Variants in FILIP1L observed in about 807,000 individuals in gnomAD.
The protein encoded by FILIP1L is filamin A-interacting protein 1-like.
Under a neutral mutation model 96.6 loss-of-function variants are expected in FILIP1L, and 55 were observed. The ratio of observed to expected loss-of-function variants is 0.57; its 90% CI spans 0.46 to 0.71. FILIP1L has a LOEUF of 0.71. Ranked by LOEUF, FILIP1L falls within the 30% of genes least tolerant of loss-of-function variation. FILIP1L has a pLI of 0.00. For synonymous variants in FILIP1L, 467 were observed against 473.9 expected (o/e 0.99, Z 0.19); for missense variants, 1,304 against 1,321.2 (o/e 0.99, Z 0.20).
At chr3:100,019,250 C>G (rs1710434814) in intron 1 of FILIP1L, among the ~76,000 whole-genome samples, 1 of 152,138 alleles carries the variant, frequency 6.6e-6, no homozygotes. Context: ...GTTTCAGCTA[C>G]TCGGGAGGCT....
At chr3:99,969,229 G>A (rs868059048) in intron 1 of FILIP1L, among the ~76,000 whole-genome samples, 4 of 152,072 alleles carry the variant, frequency 2.6e-5, no homozygotes, top group Admixed American at 2.0e-4. Context: ...GAACAATATT[G>A]GGATAATGTA....
chr3:99,882,575 C>G (rs1475010878), intron 4 of FILIP1L, among the ~76,000 whole-genome samples: 1 of 152,162 alleles, frequency 6.6e-6, no homozygotes, highest in East Asian at 1.9e-4. Flanking sequence ...CTTATTGCCA[C>G]TCTCTGTTCC....
intron 4 of FILIP1L, among the ~76,000 whole-genome samples, chr3:99,873,721 G>T (rs1176960428): frequency 3.3e-5 from 5 of 152,118 alleles, no homozygotes; most frequent in African/African-American, 9.7e-5. Flanking sequence ...AGCCTTTTGA[G>T]AAGGCAAATT....
chr3:99,889,117 TAAAG>T (rs1451147524), intron 4 of FILIP1L, among the ~76,000 whole-genome samples: 2 of 152,176 alleles, frequency 1.3e-5, no homozygotes, highest in Non-Finnish European at 2.9e-5. Flanking sequence ...TGTATATAAA[TAAAG>T]CTTGTTAATT....
chr3:100,014,391 A>AT (rs1339941279), intron 1 of FILIP1L, among the ~76,000 whole-genome samples: 3 of 151,868 alleles, frequency 2.0e-5, no homozygotes, highest in African/African-American at 7.3e-5. Flanking sequence ...TGGTAGTTCT[A>AT]TTTTTTATTT....
At chr3:100,008,792 C>T (rs933224015) in intron 1 of FILIP1L, among the ~76,000 whole-genome samples, 4 of 152,104 alleles carry the variant, frequency 2.6e-5, no homozygotes, top group East Asian at 1.9e-4. Flanking sequence ...TTGTATTTTG[C>T]GTGCAGAAAT....
At chr3:99,941,164 C>A (rs567457719) in intron 1 of FILIP1L, among the ~76,000 whole-genome samples, 1 of 152,122 alleles carries the variant, frequency 6.6e-6, no homozygotes, top group South Asian at 2.1e-4. Context: ...CCAAATAATA[C>A]GATTCATTCT....
chr3:100,104,545 C>T (rs189363955), intron 1 of FILIP1L, among the ~76,000 whole-genome samples: 1 of 152,086 alleles, frequency 6.6e-6, no homozygotes, highest in South Asian at 2.1e-4. Flanking sequence ...GCCTGTGTTC[C>T]CAAGACCCAG....
At chr3:100,030,883 C>T (rs1259743939) in intron 1 of FILIP1L, among the ~76,000 whole-genome samples, 1 of 152,080 alleles carries the variant, frequency 6.6e-6, no homozygotes, top group East Asian at 1.9e-4. Flanking sequence ...ATTTTCTTTA[C>T]TGTGCAACTA....
chr3:99,993,266 T>A (rs1034642838), intron 1 of FILIP1L, among the ~76,000 whole-genome samples: 7 of 152,134 alleles, frequency 4.6e-5, no homozygotes, highest in Admixed American at 4.6e-4. Flanking sequence ...ATATTGATTC[T>A]TCAATCTATG....
At chr3:99,988,963 AG>A (rs1391017041) in intron 1 of FILIP1L, among the ~76,000 whole-genome samples, 1 of 152,240 alleles carries the variant, frequency 6.6e-6, no homozygotes, top group East Asian at 1.9e-4. Flanking sequence ...TCAGAAGTGT[AG>A]TGTGACTGTG....
chr3:100,036,248 C>T (rs2065105684), intron 1 of FILIP1L, among the ~76,000 whole-genome samples: 1 of 152,176 alleles, frequency 6.6e-6, no homozygotes, highest in Non-Finnish European at 1.5e-5. Context: ...GCTTCTACAT[C>T]TCATTTCCCA....
intron 1 of FILIP1L, among the ~76,000 whole-genome samples, chr3:99,934,239 G>T (rs768112198): frequency 2.0e-5 from 3 of 152,146 alleles, no homozygotes; most frequent in Non-Finnish European, 4.4e-5. Flanking sequence ...ACCTCTACAT[G>T]GAAGAAGATA....
intron 4 of FILIP1L, among the ~76,000 whole-genome samples, chr3:99,881,575 C>A (rs1047085255): frequency 6.6e-6 from 1 of 151,840 alleles, no homozygotes; most frequent in East Asian, 1.9e-4. Flanking sequence ...CTCTGTTGCC[C>A]AGATTGGAGT....
chr3:99,951,655 C>T (rs1708180950), intron 1 of FILIP1L, among the ~76,000 whole-genome samples: 1 of 152,180 alleles, frequency 6.6e-6, no homozygotes, highest in South Asian at 2.1e-4. Flanking sequence ...TACACAGTCC[C>T]CACTATGTTG....
intron 1 of FILIP1L, among the ~76,000 whole-genome samples, chr3:100,035,278 T>G (rs140167430): frequency 0.016 from 2,413 of 152,138 alleles, 59 homozygotes; most frequent in African/African-American, 0.055. Flanking sequence ...TTATTAGTAT[T>G]ATTATTATTA....
chr3:100,052,760 A>G (rs1447857158), intron 1 of FILIP1L, among the ~76,000 whole-genome samples: 1 of 152,230 alleles, frequency 6.6e-6, no homozygotes, highest in African/African-American at 2.4e-5. Flanking sequence ...CATGTAAACC[A>G]GTTGTTTGAG....
In FILIP1L at chr3:99,910,006, G is replaced by T. The variant is rs750677471; in HGVS notation, c.605+14224C>A. ...AATGTGTATTCAGAGCTGAAATTTT[G>T]TTTAAGAATAAGGCTGATTACTTAA... On this transcript the variant is annotated intron_variant, in intron 4 of 5. Transcript: ENST00000477258. Among the ~76,000 whole-genome samples, 3 of 85,074 alleles carry T rather than the reference G, an allele frequency of 3.5e-5. 1 individual carries two copies. The highest frequency in any genetic ancestry group is 9.4e-5 in the Non-Finnish European group (3 of 31,848). The allele number at this position is 85,074 out of a possible 152,430, so 55.8% of individuals were successfully genotyped here.
chr3:99,857,992 G>A (rs1224407919), intron 4 of FILIP1L, among the ~76,000 whole-genome samples: 3 of 152,084 alleles, frequency 2.0e-5, no homozygotes, highest in Admixed American at 6.5e-5. Flanking sequence ...GGCTAATTAG[G>A]AAAGAAAAAG....
Sources: allele counts gnomAD v4.1 joint callset (sites outside exome capture counted in the v4.1 genomes callset), GRCh38; gene constraint gnomAD v4.1.1; transcripts MANE v1.5; gene names NCBI Gene and HGNC (gene_info 2026-07-23, HGNC 2026-07-21).